SH3RF3: variants seen among roughly 807,000 people sequenced by gnomAD.
SH3RF3 encodes the protein E3 ubiquitin-protein ligase SH3RF3.
A neutral mutation model predicts 66.3 loss-of-function variants in SH3RF3; 29 were observed. The observed-to-expected ratio is 0.44, with a 90% CI of 0.33 to 0.60. The LOEUF (loss-of-function observed/expected upper bound fraction) is 0.60, where lower values mean the gene tolerates loss of function less well. Ranked by LOEUF, SH3RF3 falls within the 20% of genes least tolerant of loss-of-function variation. The pLI, the probability that SH3RF3 is intolerant of heterozygous loss-of-function variation, is 0.04. For synonymous variants in SH3RF3, 583 were observed against 532.0 expected, an observed-to-expected ratio of 1.10 and a Z score of -1.32; for missense variants, 1,194 against 1,190.9, an observed-to-expected ratio of 1.00 and a Z score of -0.04.
intron 1 of SH3RF3, among the ~76,000 whole-genome samples, chr2:109,279,776 G>A (rs1004029467): frequency 2.0e-5 from 3 of 152,144 alleles, no homozygotes; most frequent in African/African-American, 7.2e-5. Flanking sequence ...CGCTGACCTC[G>A]CTGACAGAGC....
chr2:109,241,257 T>TAAC (rs57171165), intron 1 of SH3RF3, among the ~76,000 whole-genome samples: 3 of 151,174 alleles, frequency 2.0e-5, no homozygotes, highest in African/African-American at 7.3e-5. Context: ...CCTAAGAATA[T>TAAC]AACAACAACA....
intron 2 of SH3RF3, among the ~76,000 whole-genome samples, chr2:109,365,087 A>G (rs955004139): frequency 2.0e-5 from 3 of 149,448 alleles, no homozygotes; most frequent in African/African-American, 5.1e-5. Context: ...AAACATCCCA[A>G]TGGGTGAGGC....
chr2:109,336,667 T>C (rs36080887), intron 1 of SH3RF3, among the ~76,000 whole-genome samples: 22,544 of 152,308 alleles, frequency 0.15, 2,212 homozygotes, highest in East Asian at 0.41. Context: ...TGAGACTATT[T>C]GCATTAATAA....
At chr2:109,226,720 C>T (rs911765363) in intron 1 of SH3RF3, among the ~76,000 whole-genome samples, 1 of 152,176 alleles carries the variant, frequency 6.6e-6, no homozygotes, top group African/African-American at 2.4e-5. Flanking sequence ...AGGATCTCCA[C>T]GCAGAAGGCG....
At chr2:109,369,637 T>G (rs906664718) in intron 2 of SH3RF3, among the ~76,000 whole-genome samples, 2 of 152,206 alleles carry the variant, frequency 1.3e-5, no homozygotes, top group African/African-American at 4.8e-5. Context: ...CACGCTCTAC[T>G]TGTTCTCCTG....
chr2:109,238,955 G>A (rs1164697787), intron 1 of SH3RF3, among the ~76,000 whole-genome samples: 1 of 152,210 alleles, frequency 6.6e-6, no homozygotes, highest in African/African-American at 2.4e-5. Flanking sequence ...GGGCCCTTCA[G>A]TTGGCTTTTC....
intron 8 of SH3RF3, among the ~76,000 whole-genome samples, chr2:109,455,053 A>G (rs1204272961): frequency 6.6e-6 from 1 of 152,208 alleles, no homozygotes; most frequent in Non-Finnish European, 1.5e-5. Flanking sequence ...GATGTTCCTG[A>G]GGCTCAGAGA....
intron 1 of SH3RF3, among the ~76,000 whole-genome samples, chr2:109,215,219 G>C (rs1319013585): frequency 1.3e-5 from 2 of 152,146 alleles, no homozygotes; most frequent in African/African-American, 4.8e-5. Flanking sequence ...CATGGTCCCT[G>C]CCCCCTTACT....
chr2:109,397,524 T>G (rs745754376), intron 3 of SH3RF3, among the ~76,000 whole-genome samples: 1 of 152,180 alleles, frequency 6.6e-6, no homozygotes, highest in African/African-American at 2.4e-5. Context: ...CTGAGCCAAG[T>G]ACAGCCTAAG....
At chr2:109,283,909 G>C (rs1362591525) in intron 1 of SH3RF3, among the ~76,000 whole-genome samples, 1 of 152,124 alleles carries the variant, frequency 6.6e-6, no homozygotes, top group Admixed American at 6.5e-5. Context: ...CTTATCAAAT[G>C]ACCCCCAGAT....
intron 3 of SH3RF3, among the ~76,000 whole-genome samples, chr2:109,375,718 C>T (rs891333802): frequency 2.6e-5 from 4 of 152,218 alleles, no homozygotes; most frequent in South Asian, 4.1e-4. Flanking sequence ...GCATGAGTGC[C>T]GGGGCTGAGC....
At chr2:109,374,796 A>G (rs1308949697) in intron 3 of SH3RF3, among the ~76,000 whole-genome samples, 2 of 152,182 alleles carry the variant, frequency 1.3e-5, no homozygotes, top group Non-Finnish European at 1.5e-5. Flanking sequence ...CAGCTGCCCT[A>G]TGGGGTTCAC....
chr2:109,301,090 A>G (rs1399166935), intron 1 of SH3RF3, among the ~76,000 whole-genome samples: 7 of 152,214 alleles, frequency 4.6e-5, no homozygotes, highest in Non-Finnish European at 1.5e-5. Flanking sequence ...TTCTCAATAA[A>G]TAATCATTGC....
At position 109,347,886 on chromosome 2, in the gene SH3RF3, A is replaced by T. The variant is rs1225080351; in HGVS notation, c.786A>T (p.Lys262Asn). The T allele has an allele frequency of 1.9e-6, 3 of 1,612,652 alleles. No homozygotes were observed. The highest frequency in any genetic ancestry group is 2.5e-6 in the Non-Finnish European group (3 of 1,179,346). ...TGCCACACGCCCCGCCCCAGGGAAA[A>T]GCACTTTATGATTTCGAGATGAAGG... ...QPLPHAPPQGKALYDFEMKDK... is the reference protein window; with the variant it reads ...QPLPHAPPQGNALYDFEMKDK... Residue 262 changes from lysine (K) to asparagine (N), a missense_variant, in exon 2 of 10, where the codon AAA (lysine) becomes AAT (asparagine). Lys to Asn is a moderately conservative substitution (Grantham distance 94). Transcript: ENST00000309415.
intron 8 of SH3RF3, among the ~76,000 whole-genome samples, chr2:109,468,680 C>G (rs1261679524): frequency 6.6e-6 from 1 of 151,622 alleles, no homozygotes; most frequent in Non-Finnish European, 1.5e-5. Flanking sequence ...ATGGTGAAAC[C>G]CTGTCTCTAT....
intron 1 of SH3RF3, among the ~76,000 whole-genome samples, chr2:109,199,270 C>T (rs75789100): frequency 5.4e-5 from 1 of 18,360 alleles, no homozygotes; most frequent in Non-Finnish European, 1.5e-4. Context: ...TGCAGTGAGC[C>T]GAGATCATGC....
intron 1 of SH3RF3, among the ~76,000 whole-genome samples, chr2:109,156,536 C>T (rs1212472431): frequency 6.6e-6 from 1 of 151,938 alleles, no homozygotes; most frequent in Non-Finnish European, 1.5e-5. Context: ...GCCTTTACCT[C>T]CTGAGTTCAA....
At chr2:109,289,224 G>T (rs1178732392) in intron 1 of SH3RF3, among the ~76,000 whole-genome samples, 1 of 152,120 alleles carries the variant, frequency 6.6e-6, no homozygotes, top group African/African-American at 2.4e-5. Context: ...TGGACTGCAC[G>T]CTCTATGTGC....
chr2:109,318,165 T>C (rs1229339834), intron 1 of SH3RF3, among the ~76,000 whole-genome samples: 1 of 151,760 alleles, frequency 6.6e-6, no homozygotes, highest in African/African-American at 2.4e-5. Flanking sequence ...TAGAAATCCT[T>C]GCCTAATTTC....
Sources: allele counts gnomAD v4.1 joint callset (sites outside exome capture counted in the v4.1 genomes callset), GRCh38; gene constraint gnomAD v4.1.1; transcripts MANE v1.5; gene names NCBI Gene and HGNC (gene_info 2026-07-23, HGNC 2026-07-21).